The following CTNNA3 variants were observed in gnomAD, a reference collection of about 807,000 sequenced individuals.
The protein encoded by CTNNA3 is catenin alpha-3.
A neutral mutation model predicts 95.7 loss-of-function variants in CTNNA3; 76 were observed. The ratio of observed to expected loss-of-function variants is 0.79; its 90% CI spans 0.66 to 0.96. CTNNA3 has a LOEUF of 0.96. CTNNA3 is among the 40% of genes least tolerant of loss of function. The pLI, the probability that CTNNA3 is intolerant of heterozygous loss-of-function variation, is 0.00. For synonymous variants in CTNNA3, 431 were observed against 374.4 expected (o/e 1.15, Z -1.74); for missense variants, 1,191 against 1,089.8 (o/e 1.09, Z -1.31).
At chr10:66,749,979 C>A (rs1203248086) in intron 9 of CTNNA3, among the ~76,000 whole-genome samples, 1 of 152,144 alleles carries the variant, frequency 6.6e-6, no homozygotes, top group Non-Finnish European at 1.5e-5. Flanking sequence ...TGTTGAACAT[C>A]TTTTCATATG....
intron 9 of CTNNA3, among the ~76,000 whole-genome samples, chr10:66,676,261 G>T (rs1442872428): frequency 6.6e-6 from 1 of 152,060 alleles, no homozygotes; most frequent in South Asian, 2.1e-4. Context: ...GATAGGAAAA[G>T]GTATTCAACT....
At chr10:66,440,860 GTTA>G (rs1384545674) in intron 11 of CTNNA3, among the ~76,000 whole-genome samples, 8 of 152,102 alleles carry the variant, frequency 5.3e-5, no homozygotes, top group African/African-American at 1.9e-4. Context: ...ATAAACATTT[GTTA>G]TTATTTGTTC....
intron 7 of CTNNA3, among the ~76,000 whole-genome samples, chr10:66,874,766 G>C (rs1366368558): frequency 5.3e-5 from 8 of 152,074 alleles, no homozygotes; most frequent in Non-Finnish European, 1.0e-4. Context: ...AGACTGACAA[G>C]GTTCTGTCTC....
At chr10:66,805,966 A>G (rs1338949557) in intron 7 of CTNNA3, among the ~76,000 whole-genome samples, 1 of 152,074 alleles carries the variant, frequency 6.6e-6, no homozygotes, top group African/African-American at 2.4e-5. Context: ...TTCATTTTCT[A>G]ATTTGAATGG....
chr10:67,069,548 C>G (rs1011297013), intron 7 of CTNNA3, among the ~76,000 whole-genome samples: 4 of 148,926 alleles, frequency 2.7e-5, no homozygotes, highest in African/African-American at 1.0e-4. Context: ...ACAAGGTGTA[C>G]AGCAGCCCGC....
chr10:66,833,791 G>A (rs1041454465), intron 7 of CTNNA3, among the ~76,000 whole-genome samples: 1 of 152,078 alleles, frequency 6.6e-6, no homozygotes, highest in African/African-American at 2.4e-5. Context: ...GGGAGAGAAA[G>A]GCTCCTCTTC....
chr10:66,862,724 G>A lies in CTNNA3; in HGVS notation c.1048-87200C>T, dbSNP rs545310529. On this transcript the variant is annotated intron_variant, in intron 7 of 17. Transcript: ENST00000433211. ...TTGGAGCTGACATGGTTAATTTTAC[G>A]TGTTAATGTGACTAGAACAATGGTT... 1.8e-4 allele frequency among the ~76,000 whole-genome samples: 27 copies of A among 152,280 alleles called. 1 individual carries two copies. Among genetic ancestry groups the A allele is most frequent in the Admixed American group, 5.9e-4 (9 of 15,286 alleles).
intron 7 of CTNNA3, among the ~76,000 whole-genome samples, chr10:66,887,609 G>T (rs1009342235): frequency 3.9e-5 from 6 of 152,132 alleles, no homozygotes; most frequent in African/African-American, 1.4e-4. Context: ...AGCCCAAACA[G>T]ATAGGAGTGA....
chr10:67,583,393 C>G (rs1362571153), intron 3 of CTNNA3, among the ~76,000 whole-genome samples: 1 of 152,218 alleles, frequency 6.6e-6, no homozygotes, highest in Non-Finnish European at 1.5e-5. Flanking sequence ...GGTCCCCACT[C>G]TCTTCTGGCT....
chr10:67,477,915 G>A (rs1177673350), intron 5 of CTNNA3, among the ~76,000 whole-genome samples: 1 of 152,106 alleles, frequency 6.6e-6, no homozygotes, highest in African/African-American at 2.4e-5. Context: ...GGAAGACAAA[G>A]TTGAAAATCA....
At chr10:67,647,654 A>T (rs973936543) in intron 1 of CTNNA3, 136 bp from the exon 2 acceptor site, 4 of 609,098 alleles carry the variant, frequency 6.6e-6, no homozygotes, top group Non-Finnish European at 1.1e-5. Flanking sequence ...TCAGAGGACC[A>T]GGCTACAAAA....
intron 17 of CTNNA3, among the ~76,000 whole-genome samples, chr10:65,963,125 A>G (rs1253993467): frequency 1.3e-5 from 2 of 152,216 alleles, no homozygotes; most frequent in Non-Finnish European, 2.9e-5. Context: ...TGAAATACAT[A>G]GATTTACTAT....
chr10:67,215,975 C>G (rs966118963), intron 6 of CTNNA3, among the ~76,000 whole-genome samples: 1 of 147,134 alleles, frequency 6.8e-6, no homozygotes, highest in African/African-American at 2.5e-5. Flanking sequence ...ATTCAGTTAT[C>G]AGATTATTTA....
chr10:67,002,471 G>A (rs1851745375), intron 7 of CTNNA3, among the ~76,000 whole-genome samples: 1 of 152,222 alleles, frequency 6.6e-6, no homozygotes, highest in South Asian at 2.1e-4. Context: ...CCAAGCCATA[G>A]ATAAGAGCTA....
chr10:66,653,351 C>A (rs1418420051), intron 9 of CTNNA3, among the ~76,000 whole-genome samples: 1 of 151,608 alleles, frequency 6.6e-6, no homozygotes, highest in African/African-American at 2.4e-5. Context: ...AGAAAACTAT[C>A]CCATTTATAA....
At chr10:66,899,019 G>C (rs1185800746) in intron 7 of CTNNA3, among the ~76,000 whole-genome samples, 3 of 152,132 alleles carry the variant, frequency 2.0e-5, no homozygotes, top group African/African-American at 7.2e-5. Context: ...TTCAACAGCA[G>C]AAAACTAAAT....
At chr10:66,430,949 C>T (rs187607615) in intron 11 of CTNNA3, among the ~76,000 whole-genome samples, 4 of 152,016 alleles carry the variant, frequency 2.6e-5, no homozygotes, top group East Asian at 1.9e-4. Context: ...AAGAAACTAC[C>T]GTCAGAGTGA....
chr10:66,459,357 G>A (rs1321204826), intron 11 of CTNNA3, among the ~76,000 whole-genome samples: 4 of 152,080 alleles, frequency 2.6e-5, no homozygotes, highest in East Asian at 1.9e-4. Flanking sequence ...GCAGATTTTC[G>A]ACTGCACACG....
rs925945934 is a variant in CTNNA3 at position 67,578,901 on chromosome 10, T to C, written c.292+27956A>G. On this transcript the variant is annotated intron_variant, in intron 3 of 17. Transcript: ENST00000433211. ...TCTATGGAGATGAACATATGTTTCTTTCCCTTGATTCTGCTTATGTAATGT... is the reference window on the plus strand; with the variant it reads ...TCTATGGAGATGAACATATGTTTCTCTCCCTTGATTCTGCTTATGTAATGT... Among the ~76,000 whole-genome samples the C allele has an allele frequency of 2.0e-5, 3 of 150,472 alleles. No homozygotes were observed. The East Asian group carries it at 5.8e-4, about 29-fold the overall frequency.
Sources: allele counts gnomAD v4.1 joint callset (sites outside exome capture counted in the v4.1 genomes callset), GRCh38; gene constraint gnomAD v4.1.1; transcripts MANE v1.5; gene names NCBI Gene and HGNC (gene_info 2026-07-23, HGNC 2026-07-21).